The following CROCC variants were observed in gnomAD, a reference collection of about 807,000 sequenced individuals.
The protein encoded by CROCC is ciliary rootlet coiled-coil, rootletin, also known as rootletin.
In CROCC, 180 loss-of-function variants were observed where a neutral mutation model predicts 245.2. That is an observed-to-expected ratio of 0.73 (90% CI 0.65 to 0.83). The LOEUF (loss-of-function observed/expected upper bound fraction) is 0.83, where lower values mean the gene tolerates loss of function less well. Ranked by LOEUF, CROCC falls within the 40% of genes least tolerant of loss-of-function variation. The pLI is 0.00. For synonymous variants in CROCC, 1,205 were observed against 1,241.6 expected (o/e 0.97, Z 0.62); for missense variants, 2,688 against 2,779.4 (o/e 0.97, Z 0.74).
At chr1:16,951,343 G>A in intron 20 of CROCC, 1 of 412,464 alleles carries the variant, frequency 2.4e-6, no homozygotes. Flanking sequence ...TCCTGATGCA[G>A]AGGGTCCACA....
At chr1:16,932,214 C>T (rs377015530) in intron 8 of CROCC, among the ~76,000 whole-genome samples, 5 of 152,232 alleles carry the variant, frequency 3.3e-5, no homozygotes, top group Non-Finnish European at 7.3e-5. Context: ...GAGGCCGAGG[C>T]GGGTGGATCA....
chr1:16,947,337 C>T (rs1349349467), intron 17 of CROCC, among the ~76,000 whole-genome samples: 1 of 152,234 alleles, frequency 6.6e-6, no homozygotes, highest in Non-Finnish European at 1.5e-5. Flanking sequence ...GGCGTGGTGG[C>T]ACGCGCCTGT....
At chr1:16,921,564 C>G (rs2075405753), upstream of CROCC, among the ~76,000 whole-genome samples, 1 of 152,278 alleles carries the variant, frequency 6.6e-6, no homozygotes, top group Non-Finnish European at 1.5e-5. Context: ...CCGTTCTGGG[C>G]CAGAAAGATG....
In CROCC at chr1:16,972,467, A is replaced by G; in HGVS notation, c.*21A>G. On this transcript the variant is annotated 3_prime_UTR_variant, in exon 37 of 37. Coordinates refer to ENST00000375541, the MANE Select transcript of CROCC (RefSeq NM_014675.5). ...AATGAGCTCCTGCTGGCATCTGGAG[A>G]ACACCCCTGTGCCTGGGACAGGGGA... The G allele has an allele frequency of 1.3e-6, 2 of 1,595,576 alleles. No homozygotes were observed. Among genetic ancestry groups the G allele is most frequent in the Admixed American group, 1.7e-5 (1 of 59,362 alleles).
chr1:16,919,785 G>T (rs865800197), upstream of CROCC, among the ~76,000 whole-genome samples: 5 of 152,276 alleles, frequency 3.3e-5, no homozygotes, highest in Non-Finnish European at 7.3e-5. Context: ...TCGCTATGTT[G>T]CCCAGGCTGG....
intron 1 of CROCC, 62 bp from the exon 2 acceptor site, chr1:16,922,601 C>T: frequency 2.0e-6 from 3 of 1,533,010 alleles, no homozygotes; most frequent in South Asian, 1.3e-5. Flanking sequence ...TGTGGCTCTC[C>T]CCACGAGGCC....
rs200026680 is a variant in CROCC at position 16,948,379 on chromosome 1, C to A, written c.2563C>A (p.Arg855=). Residue 855 remains arginine, a synonymous_variant, in exon 18 of 37, where the codon CGG becomes AGG. Transcript: ENST00000375541. ...GGAGCAGGAGCTGGAGCAGGCCCGG[C>A]GGGAGGCCCAGCGGCAAGTGGAGGC... ...GREQELEQAR[R]EAQRQVEALE... 3.2e-6 allele frequency: 5 copies of A among 1,578,080 alleles called. No homozygotes were observed. The highest frequency in any genetic ancestry group is 1.1e-5 in the South Asian group (1 of 87,002).
chr1:16,937,378 A>C (rs2075815549), intron 9 of CROCC, among the ~76,000 whole-genome samples: 1 of 151,970 alleles, frequency 6.6e-6, no homozygotes, highest in African/African-American at 2.4e-5. Flanking sequence ...AAAAAAAAGA[A>C]CTCGTGCCCC....
intron 13 of CROCC, among the ~76,000 whole-genome samples, chr1:16,943,497 T>TGCACTCCAGCCTGGGGGATGCGCC (rs2075976928): frequency 6.6e-6 from 1 of 152,076 alleles, no homozygotes; most frequent in Non-Finnish European, 1.5e-5. Flanking sequence ...GAGATTGCGC[T>TGCACTCCAGCCTGGGGGATGCGCC]ACTGCACTCC....
At chr1:16,967,232 G>C (rs1442941329) in intron 30 of CROCC, among the ~76,000 whole-genome samples, 1 of 152,128 alleles carries the variant, frequency 6.6e-6, no homozygotes, top group African/African-American at 2.4e-5. Context: ...TTATGTCTCT[G>C]TAGTTCTGGG....
At chr1:16,968,585 C>T (rs2076459582) in intron 31 of CROCC, among the ~76,000 whole-genome samples, 167 bp downstream of exon 31, 1 of 152,220 alleles carries the variant, frequency 6.6e-6, no homozygotes, top group African/African-American at 2.4e-5. Flanking sequence ...TCTAAGATCC[C>T]ATAGCTAGTA....
chr1:16,969,967 A>G (rs377018981), intron 33 of CROCC, 33 bp downstream of exon 33: 17 of 1,547,474 alleles, frequency 1.1e-5, no homozygotes, highest in Middle Eastern at 3.6e-4. Context: ...TCTGTCCCCA[A>G]GACTGTGAGG....
intron 3 of CROCC, among the ~76,000 whole-genome samples, chr1:16,927,439 C>G (rs1044055391): frequency 6.6e-6 from 1 of 152,380 alleles, no homozygotes; most frequent in African/African-American, 2.4e-5. Flanking sequence ...AGGCACACCC[C>G]CCAGACCCAC....
At chr1:16,928,530 G>T (rs563819551) in intron 3 of CROCC, among the ~76,000 whole-genome samples, 3 of 152,152 alleles carry the variant, frequency 2.0e-5, no homozygotes, top group African/African-American at 7.2e-5. Flanking sequence ...TGGGCCGGAT[G>T]CTGTGGCTCA....
intron 20 of CROCC, chr1:16,951,436 C>T (rs541791553): frequency 4.3e-4 from 84 of 194,098 alleles, no homozygotes; most frequent in East Asian, 1.2e-4. Context: ...TATGAAGAGC[C>T]ACTCAGACCT....
chr1:16,923,579 C>A (rs1346893004), intron 2 of CROCC, among the ~76,000 whole-genome samples: 9 of 152,206 alleles, frequency 5.9e-5, no homozygotes, highest in African/African-American at 1.4e-4. Flanking sequence ...CTATGCTATG[C>A]TCTCCTGAGC....
intron 30 of CROCC, among the ~76,000 whole-genome samples, chr1:16,967,536 A>C (rs1178624031): frequency 1.3e-5 from 2 of 152,180 alleles, no homozygotes; most frequent in African/African-American, 4.8e-5. Flanking sequence ...TGGGGGCCCC[A>C]GACAGGGCAG....
At chr1:16,916,993 C>T (rs192949788), upstream of CROCC, among the ~76,000 whole-genome samples, 911 of 152,296 alleles carry the variant, frequency 6.0e-3, 2 homozygotes, top group Non-Finnish European at 8.9e-3. Context: ...TGGCGCATAC[C>T]TGTAATCCCA....
intron 3 of CROCC, among the ~76,000 whole-genome samples, chr1:16,927,954 T>G: frequency 6.6e-6 from 1 of 152,238 alleles, no homozygotes; most frequent in South Asian, 2.1e-4. Context: ...GGGGGTGGGG[T>G]GGGTAGAGAT....
Sources: gnomAD v4.1 joint callset for allele counts (sites outside exome capture counted in the v4.1 genomes callset) on GRCh38, gnomAD v4.1.1 for gene constraint, MANE v1.5 for transcripts, NCBI Gene and HGNC (gene_info 2026-07-23, HGNC 2026-07-21) for gene names.